HS6ST3: variants seen among roughly 807,000 people sequenced by gnomAD.
The protein encoded by HS6ST3 is heparan-sulfate 6-O-sulfotransferase 3.
HS6ST3 carries 12 observed loss-of-function variants against 36.7 expected under a neutral mutation model. The observed-to-expected ratio is 0.33, with a 90% CI of 0.21 to 0.53. The LOEUF (loss-of-function observed/expected upper bound fraction) is 0.53, where lower values mean the gene tolerates loss of function less well. Ranked by LOEUF, HS6ST3 falls within the 20% of genes least tolerant of loss-of-function variation. The pLI, the probability that HS6ST3 is intolerant of heterozygous loss-of-function variation, is 0.95. For synonymous variants in HS6ST3, 240 were observed against 257.5 expected, an observed-to-expected ratio of 0.93 and a Z score of 0.65; for missense variants, 584 against 640.9, an observed-to-expected ratio of 0.91 and a Z score of 0.96.
intron 1 of HS6ST3, among the ~76,000 whole-genome samples, chr13:96,319,707 A>G (rs576985454): frequency 6.6e-6 from 1 of 152,360 alleles, no homozygotes; most frequent in Admixed American, 6.5e-5. Context: ...CTTAGCTGCA[A>G]CATTACAATG....
intron 1 of HS6ST3, among the ~76,000 whole-genome samples, chr13:96,580,476 T>C (rs1415791325): frequency 6.6e-6 from 1 of 151,808 alleles, no homozygotes; most frequent in Non-Finnish European, 1.5e-5. Flanking sequence ...CTCATGATCC[T>C]GACAACACAT....
chr13:96,600,529 C>T (rs1001939312), intron 1 of HS6ST3, among the ~76,000 whole-genome samples: 1 of 151,682 alleles, frequency 6.6e-6, no homozygotes, highest in African/African-American at 2.4e-5. Flanking sequence ...ATATTTTTTC[C>T]CACCTTTTGA....
intron 1 of HS6ST3, among the ~76,000 whole-genome samples, chr13:96,228,646 G>A (rs555421978): frequency 6.6e-6 from 1 of 152,222 alleles, no homozygotes; most frequent in African/African-American, 2.4e-5. Flanking sequence ...ACAAATACAG[G>A]CAATGGGCCA....
At chr13:96,121,698 G>A (rs1594684108) in intron 1 of HS6ST3, among the ~76,000 whole-genome samples, 1 of 152,272 alleles carries the variant, frequency 6.6e-6, no homozygotes, top group South Asian at 2.1e-4. Context: ...ATTGGCTATG[G>A]TGACTCCATT....
intron 1 of HS6ST3, among the ~76,000 whole-genome samples, chr13:96,798,642 T>A (rs1877970480): frequency 6.6e-6 from 1 of 152,094 alleles, no homozygotes; most frequent in African/African-American, 2.4e-5. Flanking sequence ...TGCGCCTCAA[T>A]GTCCTCATCT....
chr13:96,699,400 A>G (rs1251048114), intron 1 of HS6ST3, among the ~76,000 whole-genome samples: 1 of 152,228 alleles, frequency 6.6e-6, no homozygotes, highest in Non-Finnish European at 1.5e-5. Context: ...AAACAAATTT[A>G]CAAGAAAAAA....
chr13:96,447,053 C>T (rs732122), intron 1 of HS6ST3, among the ~76,000 whole-genome samples: 25,251 of 152,020 alleles, frequency 0.17, 3,254 homozygotes, highest in African/African-American at 0.33. Context: ...TCCAATATCA[C>T]GTATCACCCT....
At chr13:96,134,980 C>T (rs1435381700) in intron 1 of HS6ST3, among the ~76,000 whole-genome samples, 1 of 152,202 alleles carries the variant, frequency 6.6e-6, no homozygotes, top group Non-Finnish European at 1.5e-5. Flanking sequence ...CTGTCTGACA[C>T]AGTCATTGGG....
chr13:96,827,454 C>G (rs528611657), intron 1 of HS6ST3, among the ~76,000 whole-genome samples: 1 of 152,282 alleles, frequency 6.6e-6, no homozygotes, highest in African/African-American at 2.4e-5. Context: ...TTCTAACTTT[C>G]TATTTAGTCT....
chr13:96,647,968 T>C (rs1227548190), intron 1 of HS6ST3, among the ~76,000 whole-genome samples: 1 of 152,072 alleles, frequency 6.6e-6, no homozygotes, highest in Non-Finnish European at 1.5e-5. Flanking sequence ...TTATATATCC[T>C]TGGGAGATTT....
rs1875152144 is a variant in HS6ST3, at chr13:96,697,167, A to G, written c.708-135323A>G. 3.3e-5 allele frequency among the ~76,000 whole-genome samples: 5 copies of G among 151,804 alleles called. No homozygotes were observed. The South Asian group carries it at 1.0e-3, about 32-fold the overall frequency. ...GATTTTATATATATATATAAAATGT[A>G]TAGATGTGTGTGTGTGTGTGTATAT... On this transcript the variant is annotated intron_variant, in intron 1 of 1. Transcript: ENST00000376705.
At chr13:96,216,180 G>A (rs149893599) in intron 1 of HS6ST3, among the ~76,000 whole-genome samples, 3 of 152,224 alleles carry the variant, frequency 2.0e-5, no homozygotes, top group East Asian at 1.9e-4. Flanking sequence ...CACATAGTAC[G>A]TAAATGTTAA....
At chr13:96,251,057 T>G (rs2054605590) in intron 1 of HS6ST3, among the ~76,000 whole-genome samples, 1 of 152,200 alleles carries the variant, frequency 6.6e-6, no homozygotes, top group Non-Finnish European at 1.5e-5. Context: ...TTTTCTTTTC[T>G]TGTAGTATCC....
In HS6ST3 at chr13:96,539,050, C is replaced by T. The variant is rs147928167; in HGVS notation, c.708-293440C>T. On this transcript the variant is annotated intron_variant, in intron 1 of 1. Coordinates refer to ENST00000376705, the MANE Select transcript of HS6ST3 (RefSeq NM_153456.4). ...ATTATCTAGGCGTAGTAGTGGCTTA[C>T]TCTCCCAGGGTTTCTCAGGGAAGTA... Among the ~76,000 whole-genome samples, 26 of 152,190 alleles carry T rather than the reference C, an allele frequency of 1.7e-4. No homozygotes were observed. In the East Asian group the frequency reaches 4.9e-3, roughly 28 times the overall value.
At chr13:96,669,283 G>A (rs1594832064) in intron 1 of HS6ST3, among the ~76,000 whole-genome samples, 1 of 152,294 alleles carries the variant, frequency 6.6e-6, no homozygotes, top group East Asian at 1.9e-4. Context: ...TGTTGCCAGA[G>A]AGTGGTGGCA....
chr13:96,407,580 T>G (rs1283567052), intron 1 of HS6ST3, among the ~76,000 whole-genome samples: 2 of 152,172 alleles, frequency 1.3e-5, no homozygotes, highest in Non-Finnish European at 2.9e-5. Flanking sequence ...AATGTGTCCC[T>G]CAGTGAAGTG....
At chr13:96,616,451 C>T (rs2056474615) in intron 1 of HS6ST3, among the ~76,000 whole-genome samples, 1 of 152,144 alleles carries the variant, frequency 6.6e-6, no homozygotes, top group African/African-American at 2.4e-5. Context: ...TTATTATCAG[C>T]ACTGCCACCA....
chr13:96,130,727 T>C (rs957902376), intron 1 of HS6ST3, among the ~76,000 whole-genome samples: 1 of 152,206 alleles, frequency 6.6e-6, no homozygotes, highest in Admixed American at 6.5e-5. Flanking sequence ...CAGTCAGCTC[T>C]CTAGTATTGC....
At chr13:96,175,930 G>A (rs1360774173) in intron 1 of HS6ST3, among the ~76,000 whole-genome samples, 9 of 151,954 alleles carry the variant, frequency 5.9e-5, no homozygotes, top group Admixed American at 5.2e-4. Context: ...TGCCTTTTGG[G>A]TTCAAGTGAT....
Sources: gnomAD v4.1 joint callset for allele counts (sites outside exome capture counted in the v4.1 genomes callset) on GRCh38, gnomAD v4.1.1 for gene constraint, MANE v1.5 for transcripts, NCBI Gene and HGNC (gene_info 2026-07-23, HGNC 2026-07-21) for gene names.